GLIS3: variants seen among roughly 807,000 people sequenced by gnomAD.
GLIS3 encodes the protein zinc finger protein GLIS3.
GLIS3 carries 53 observed loss-of-function variants against 78.6 expected under a neutral mutation model. That is an observed-to-expected ratio of 0.67 (90% CI 0.54 to 0.85). The LOEUF (loss-of-function observed/expected upper bound fraction) is 0.85. Ranked by LOEUF, GLIS3 falls within the 40% of genes least tolerant of loss-of-function variation. The pLI, the probability that GLIS3 is intolerant of heterozygous loss-of-function variation, is 0.00. For missense variants in GLIS3, 1,703 were observed against 1,231.1 expected (o/e 1.38, Z -5.74); for synonymous variants, 684 against 509.9 (o/e 1.34, Z -4.60).
At chr9:4,287,762 G>A (rs1000236028) in intron 1 of GLIS3, among the ~76,000 whole-genome samples, 2 of 152,168 alleles carry the variant, frequency 1.3e-5, no homozygotes, top group African/African-American at 2.4e-5. Flanking sequence ...CTATCAAGGA[G>A]AAACACTTTT....
At chr9:4,225,993 G>T (rs1014564106) in intron 2 of GLIS3, among the ~76,000 whole-genome samples, 2 of 152,186 alleles carry the variant, frequency 1.3e-5, no homozygotes, top group Non-Finnish European at 2.9e-5. Context: ...ACACTGGCCA[G>T]ATTTTTAAAA....
chr9:3,967,513 AAAAG>A (rs1350240709), intron 4 of GLIS3, among the ~76,000 whole-genome samples: 2 of 152,190 alleles, frequency 1.3e-5, no homozygotes, highest in Non-Finnish European at 2.9e-5. Context: ...AAAAAAAAGA[AAAAG>A]AAAGAAAAGA....
chr9:4,119,550 T>C (rs1211604302), intron 3 of GLIS3, among the ~76,000 whole-genome samples: 2 of 152,148 alleles, frequency 1.3e-5, no homozygotes, highest in Admixed American at 1.3e-4. Flanking sequence ...AGCTATAATA[T>C]ATAAGGGAGT....
At chr9:4,442,841 A>G in the GLIS3 span, among the ~76,000 whole-genome samples, 1 of 151,730 alleles carries the variant, frequency 6.6e-6, no homozygotes, top group Non-Finnish European at 1.5e-5. Context: ...TTCCCTCTCT[A>G]TAGAAGTTTT....
chr9:3,851,648 T>C (rs1819440022), intron 9 of GLIS3, among the ~76,000 whole-genome samples: 1 of 151,990 alleles, frequency 6.6e-6, no homozygotes, highest in South Asian at 2.1e-4. Flanking sequence ...TATCATTTAG[T>C]ATTACAGCAC....
intron 8 of GLIS3, among the ~76,000 whole-genome samples, chr9:3,872,884 C>G (rs1002015546): frequency 1.1e-4 from 16 of 151,980 alleles, no homozygotes; most frequent in African/African-American, 3.9e-4. Context: ...AAAGGAGGAA[C>G]AAACCAAACC....
rs180798105 is a variant in GLIS3 at position 4,006,974 on chromosome 9, G to A, written c.1711-69785C>T. Among the ~76,000 whole-genome samples the A allele has an allele frequency of 1.3e-3, 204 of 152,264 alleles. 1 individual carries two copies. The highest frequency in any genetic ancestry group is 1.7e-3 in the Admixed American group (26 of 15,300). On this transcript the variant is annotated intron_variant, in intron 4 of 10. Coordinates refer to ENST00000381971, the MANE Select transcript of GLIS3 (RefSeq NM_001042413.2). ...TACAGCCAAGGCACAATGTCATTGA[G>A]GTATTTTGCTGTTGGCCAAAATGAA...
intron 7 of GLIS3, among the ~76,000 whole-genome samples, chr9:3,895,084 C>G (rs188103111): frequency 1.9e-3 from 284 of 152,326 alleles, no homozygotes; most frequent in Non-Finnish European, 3.5e-3. Flanking sequence ...TAAATGGACT[C>G]CCTGCCAAGA....
chr9:3,877,905 T>C (rs776298309), intron 8 of GLIS3, among the ~76,000 whole-genome samples: 16 of 152,156 alleles, frequency 1.1e-4, no homozygotes, highest in Admixed American at 7.2e-4. Flanking sequence ...GTTTCTCTCT[T>C]AACAAAGAGC....
chr9:3,980,096 C>A (rs1033500938), intron 4 of GLIS3, among the ~76,000 whole-genome samples: 6 of 152,168 alleles, frequency 3.9e-5, no homozygotes, highest in African/African-American at 1.4e-4. Context: ...AGACCAGTTT[C>A]TTTGAGCAGT....
Position 4,133,708 on chromosome 9 carries a change from T to C in GLIS3, c.389-7767A>G, listed in dbSNP as rs118190453. On this transcript the variant is annotated intron_variant, in intron 2 of 10. Transcript: ENST00000381971. ...GGCACTTAATACATTGTTAGTTCTA[T>C]TTATATTTTATTAAAGAACTTGTCT... Among the ~76,000 whole-genome samples, 144 of 152,252 alleles carry C rather than the reference T, an allele frequency of 9.5e-4. 3 individuals carry two copies. The East Asian group carries it at 0.026, about 27-fold the overall frequency.
the GLIS3 span, among the ~76,000 whole-genome samples, chr9:4,397,272 G>A: frequency 0.2 from 28,245 of 142,380 alleles, 3,457 homozygotes; most frequent in East Asian, 0.34. Flanking sequence ...TGATCCGCCC[G>A]CCTCGGCCTC....
intron 4 of GLIS3, among the ~76,000 whole-genome samples, chr9:3,969,915 C>T (rs547270371): frequency 2.0e-5 from 3 of 152,180 alleles, no homozygotes; most frequent in African/African-American, 7.2e-5. Flanking sequence ...TAGATCAATT[C>T]TGTTATTTCC....
chr9:4,322,469 A>T (rs1224500370), intron 2 of GLIS3, among the ~76,000 whole-genome samples: 1 of 152,170 alleles, frequency 6.6e-6, no homozygotes, highest in Non-Finnish European at 1.5e-5. Context: ...TCCTTGAGGA[A>T]TCGCCACACT....
intron 2 of GLIS3, among the ~76,000 whole-genome samples, chr9:4,243,371 T>A (rs1823501449): frequency 7.2e-6 from 1 of 137,964 alleles, no homozygotes; most frequent in Non-Finnish European, 1.6e-5. Context: ...AACCTCCATA[T>A]ACATGTTTAC....
chr9:4,041,210 G>T (rs1398705673), intron 4 of GLIS3, among the ~76,000 whole-genome samples: 2 of 152,192 alleles, frequency 1.3e-5, no homozygotes, highest in East Asian at 3.9e-4. Flanking sequence ...GGGATGTCTA[G>T]CAATGACTGG....
At chr9:4,065,248 A>G (rs1007234167) in intron 4 of GLIS3, among the ~76,000 whole-genome samples, 1 of 152,192 alleles carries the variant, frequency 6.6e-6, no homozygotes, top group Non-Finnish European at 1.5e-5. Flanking sequence ...CACCCTCCAC[A>G]GAGCCCTGCT....
the GLIS3 span, among the ~76,000 whole-genome samples, chr9:4,356,509 C>A: frequency 6.6e-6 from 1 of 152,170 alleles, no homozygotes; most frequent in African/African-American, 2.4e-5. Context: ...GAATGACTGA[C>A]AGATATTAGA....
intron 2 of GLIS3, among the ~76,000 whole-genome samples, chr9:4,163,405 G>A (rs909161838): frequency 1.6e-4 from 24 of 152,236 alleles, no homozygotes; most frequent in African/African-American, 5.5e-4. Context: ...TCATTTTACA[G>A]ATGAACAAGA....
Sources: allele counts gnomAD v4.1 joint callset (sites outside exome capture counted in the v4.1 genomes callset), GRCh38; gene constraint gnomAD v4.1.1; transcripts MANE v1.5; gene names NCBI Gene and HGNC (gene_info 2026-07-23, HGNC 2026-07-21).